Variants in PTH2R observed in about 807,000 individuals in gnomAD.
The protein encoded by PTH2R is parathyroid hormone 2 receptor.
A neutral mutation model predicts 60.3 loss-of-function variants in PTH2R; 59 were observed. The observed-to-expected ratio is 0.98, with a 90% CI of 0.79 to 1.22. The LOEUF is 1.22. Ranked by LOEUF, PTH2R falls within the 50% of genes most tolerant of loss-of-function variation. The pLI is 0.00. For synonymous variants in PTH2R, 256 were observed against 243.8 expected (o/e 1.05, Z -0.47); for missense variants, 749 against 682.6 (o/e 1.10, Z -1.08).
intron 1 of PTH2R, among the ~76,000 whole-genome samples, chr2:208,371,635 T>C (rs1414886110): frequency 1.3e-5 from 2 of 152,160 alleles, no homozygotes; most frequent in Non-Finnish European, 2.9e-5. Flanking sequence ...ATGGTATATC[T>C]GTAGAGATTG....
rs1703469053 is a variant in PTH2R, at chr2:208,493,818, T to C, written c.*159T>C. 1.4e-6 allele frequency: 1 copy of C among 690,638 alleles called. No individual in the cohort carries two copies. The highest frequency in any genetic ancestry group is 2.2e-6 in the Non-Finnish European group (1 of 455,180). 42.8% of individuals were successfully genotyped at this position (690,638 alleles called of 1,614,324 possible). On this transcript the variant is annotated 3_prime_UTR_variant, in exon 13 of 13. Coordinates refer to ENST00000272847, the MANE Select transcript of PTH2R (RefSeq NM_005048.4). The stretch of plus-strand genomic sequence containing the variant: ...TCCATGAATTGGCTCCTGTAAATAC[T>C]AACGACATGAAAATGCAAGTGTCAA...
chr2:208,392,897 C>G (rs1386410511), intron 1 of PTH2R, among the ~76,000 whole-genome samples: 1 of 152,216 alleles, frequency 6.6e-6, no homozygotes, highest in African/African-American at 2.4e-5. Flanking sequence ...ATCTCTGAGA[C>G]TGGTTCTGAA....
At chr2:208,408,196 G>A (rs76729145) in intron 1 of PTH2R, among the ~76,000 whole-genome samples, 5,037 of 152,196 alleles carry the variant, frequency 0.033, 258 homozygotes, top group African/African-American at 0.11. Flanking sequence ...AATAAATTTT[G>A]TTAATAAACT....
chr2:208,393,939 A>G (rs2125884070), intron 1 of PTH2R, among the ~76,000 whole-genome samples: 1 of 152,230 alleles, frequency 6.6e-6, no homozygotes, highest in Non-Finnish European at 1.5e-5. Flanking sequence ...GGGGACTGGA[A>G]GGGTTGGGAC....
intron 1 of PTH2R, among the ~76,000 whole-genome samples, chr2:208,374,211 G>A (rs909634871): frequency 1.3e-5 from 2 of 151,796 alleles, no homozygotes; most frequent in African/African-American, 4.9e-5. Context: ...TGCCATTTCC[G>A]ATGGTTCTTT....
chr2:208,451,565 T>G (rs1022940399), intron 8 of PTH2R, among the ~76,000 whole-genome samples: 3 of 152,222 alleles, frequency 2.0e-5, no homozygotes, highest in African/African-American at 7.2e-5. Context: ...TTGCCTCATG[T>G]GTCTTTAGTA....
intron 1 of PTH2R, among the ~76,000 whole-genome samples, chr2:208,420,537 A>T (rs894343373): frequency 1.5e-5 from 2 of 135,292 alleles, no homozygotes; most frequent in Non-Finnish European, 3.5e-5. Context: ...ATTTATAATT[A>T]ACTTAAAATT....
intron 1 of PTH2R, among the ~76,000 whole-genome samples, chr2:208,387,421 A>C (rs1701022057): frequency 6.6e-6 from 1 of 152,236 alleles, no homozygotes. Flanking sequence ...TTACTGACTT[A>C]GAACTTTGCA....
intron 1 of PTH2R, among the ~76,000 whole-genome samples, chr2:208,375,333 G>A (rs1364312168): frequency 6.6e-6 from 1 of 152,012 alleles, no homozygotes; most frequent in Non-Finnish European, 1.5e-5. Context: ...AAGGGAACAG[G>A]CTGTATTGCT....
At chr2:208,370,547 C>T (rs996978676) in intron 1 of PTH2R, among the ~76,000 whole-genome samples, 41 of 150,280 alleles carry the variant, frequency 2.7e-4, no homozygotes, top group Admixed American at 1.9e-3. Flanking sequence ...CCTATTCCCA[C>T]GACTGGGAGA....
intron 9 of PTH2R, among the ~76,000 whole-genome samples, chr2:208,465,860 C>G (rs1702739785): frequency 1.3e-5 from 2 of 151,962 alleles, no homozygotes; most frequent in South Asian, 4.1e-4. Flanking sequence ...GCTACAAACA[C>G]CAGTTAGTTG....
intron 2 of PTH2R, among the ~76,000 whole-genome samples, chr2:208,431,845 C>T (rs1283913717): frequency 6.6e-6 from 1 of 152,172 alleles, no homozygotes; most frequent in Admixed American, 6.5e-5. Context: ...AGGTAAACCC[C>T]AAATGTAGAG....
chr2:208,469,284 T>C (rs1702827941), intron 9 of PTH2R, among the ~76,000 whole-genome samples: 1 of 152,228 alleles, frequency 6.6e-6, no homozygotes, highest in Non-Finnish European at 1.5e-5. Flanking sequence ...TTTAAGTAAA[T>C]ATATGCATCA....
chr2:208,432,256 C>T (rs550822991), intron 2 of PTH2R, among the ~76,000 whole-genome samples: 39 of 152,252 alleles, frequency 2.6e-4, no homozygotes, highest in South Asian at 6.2e-4. Flanking sequence ...ATTATGTGCC[C>T]AGAGTAAGCT....
chr2:208,478,451 GT>G (rs1222449728), intron 9 of PTH2R, among the ~76,000 whole-genome samples: 1 of 152,082 alleles, frequency 6.6e-6, no homozygotes, highest in African/African-American at 2.4e-5. Flanking sequence ...AGCCAAAAGT[GT>G]AGCGATTTCC....
chr2:208,409,592 C>T (rs1307152937), intron 1 of PTH2R, among the ~76,000 whole-genome samples: 1 of 152,048 alleles, frequency 6.6e-6, no homozygotes, highest in African/African-American at 2.4e-5. Context: ...GGAACTCACC[C>T]AGGCAGAATG....
intron 1 of PTH2R, among the ~76,000 whole-genome samples, chr2:208,419,551 G>T (rs954951802): frequency 1.3e-5 from 2 of 152,114 alleles, no homozygotes; most frequent in African/African-American, 2.4e-5. Context: ...GTCAATTTTG[G>T]CTTTTGTTGC....
At chr2:208,379,264 T>C (rs887734075) in intron 1 of PTH2R, among the ~76,000 whole-genome samples, 1 of 152,164 alleles carries the variant, frequency 6.6e-6, no homozygotes, top group Non-Finnish European at 1.5e-5. Flanking sequence ...TAATGTTCTT[T>C]GTTGAAATGT....
chr2:208,362,987 G>GA (rs1490538539), intron 1 of PTH2R, among the ~76,000 whole-genome samples: 1 of 151,906 alleles, frequency 6.6e-6, no homozygotes, highest in African/African-American at 2.4e-5. Context: ...ATCATCTTTG[G>GA]AAAAAATGTC....
Sources: gnomAD v4.1 joint callset for allele counts (sites outside exome capture counted in the v4.1 genomes callset) on GRCh38, gnomAD v4.1.1 for gene constraint, MANE v1.5 for transcripts, NCBI Gene and HGNC (gene_info 2026-07-23, HGNC 2026-07-21) for gene names.